Variants in GPC6 observed in about 807,000 individuals in gnomAD.
The protein encoded by GPC6 is glypican-6.
A neutral mutation model predicts 55.2 loss-of-function variants in GPC6; 14 were observed. The observed-to-expected ratio is 0.25, with a 90% CI of 0.17 to 0.40. The LOEUF (loss-of-function observed/expected upper bound fraction) is 0.40, where lower values mean the gene tolerates loss of function less well. Ranked by LOEUF, GPC6 falls within the 10% of genes least tolerant of loss-of-function variation. The probability of loss-of-function intolerance (pLI) is 1.00; values close to 1 mark genes in which losing one functional copy is unlikely to be tolerated. For synonymous variants in GPC6, 278 were observed against 259.6 expected (o/e 1.07, Z -0.68); for missense variants, 641 against 708.5 (o/e 0.90, Z 1.08).
chr13:93,555,380 G>A (rs193240321), intron 2 of GPC6, among the ~76,000 whole-genome samples: 67 of 152,268 alleles, frequency 4.4e-4, no homozygotes, highest in Middle Eastern at 3.4e-3. Context: ...TTAATATGAA[G>A]TATATTTAAT....
intron 3 of GPC6, among the ~76,000 whole-genome samples, chr13:94,027,466 T>G (rs369065564): frequency 5.3e-5 from 8 of 152,218 alleles, no homozygotes; most frequent in African/African-American, 1.9e-4. Context: ...CATTATCTCA[T>G]TCCATCTTCT....
chr13:93,628,646 G>A (rs1318723962), intron 2 of GPC6, among the ~76,000 whole-genome samples: 1 of 151,930 alleles, frequency 6.6e-6, no homozygotes, highest in Non-Finnish European at 1.5e-5. Context: ...GAAGTATTAT[G>A]GCCAGTGACT....
At chr13:93,220,942 G>T in the GPC6 span, among the ~76,000 whole-genome samples, 1 of 152,086 alleles carries the variant, frequency 6.6e-6, no homozygotes, top group African/African-American at 2.4e-5. Context: ...GGAATGCAGT[G>T]CACTGTCACC....
At chr13:93,612,797 C>G (rs907452885) in intron 2 of GPC6, among the ~76,000 whole-genome samples, 7 of 152,100 alleles carry the variant, frequency 4.6e-5, no homozygotes, top group Non-Finnish European at 8.8e-5. Flanking sequence ...TTCCATCATT[C>G]TTTCTCTTAC....
intron 7 of GPC6, among the ~76,000 whole-genome samples, chr13:94,389,204 GA>G (rs553524720): frequency 1.3e-5 from 2 of 152,054 alleles, no homozygotes; most frequent in Non-Finnish European, 2.9e-5. Context: ...AGGCCAAAGG[GA>G]AAAAAATTAA....
chr13:93,746,587 G>T (rs1884408044), intron 2 of GPC6, among the ~76,000 whole-genome samples: 1 of 152,124 alleles, frequency 6.6e-6, no homozygotes, highest in Non-Finnish European at 1.5e-5. Context: ...TTTGAAAATT[G>T]ATTTTTGAAC....
At chr13:93,357,276 C>T (rs1055248130) in intron 1 of GPC6, among the ~76,000 whole-genome samples, 1 of 152,142 alleles carries the variant, frequency 6.6e-6, no homozygotes, top group Non-Finnish European at 1.5e-5. Flanking sequence ...CTAAAATGAG[C>T]AGCATTGGTG....
chr13:94,152,832 T>C (rs1271827144), intron 4 of GPC6, among the ~76,000 whole-genome samples: 1 of 152,156 alleles, frequency 6.6e-6, no homozygotes, highest in African/African-American at 2.4e-5. Context: ...TTTTTAACTC[T>C]AATGGAAGTC....
intron 4 of GPC6, among the ~76,000 whole-genome samples, chr13:94,194,145 G>A (rs1889487361): frequency 6.6e-6 from 1 of 152,226 alleles, no homozygotes; most frequent in African/African-American, 2.4e-5. Context: ...TATACTTGTA[G>A]CATATGTACA....
intron 6 of GPC6, among the ~76,000 whole-genome samples, chr13:94,365,931 C>T (rs576431435): frequency 9.9e-5 from 15 of 152,284 alleles, no homozygotes; most frequent in African/African-American, 2.9e-4. Flanking sequence ...AATTAAATAA[C>T]GAATTCTAAA....
At chr13:93,568,946 A>C (rs1470448301) in intron 2 of GPC6, among the ~76,000 whole-genome samples, 1 of 152,114 alleles carries the variant, frequency 6.6e-6, no homozygotes, top group East Asian at 1.9e-4. Context: ...TAGATAGAGG[A>C]TTGGAGAGTT....
intron 1 of GPC6, among the ~76,000 whole-genome samples, chr13:93,381,617 G>A (rs945978749): frequency 1.3e-5 from 2 of 152,088 alleles, no homozygotes; most frequent in South Asian, 2.1e-4. Context: ...GTCTGGGAAC[G>A]TGTCATTGAG....
Position 94,252,789 on chromosome 13 carries a change from G to A in GPC6, c.878-33560G>A, listed in dbSNP as rs114485639. ...CCAAAAGCCATAAATGATAGGGCAA[G>A]TGTAAATGGACTGTGATGAGAGGAA... is the stretch of plus-strand genomic sequence containing the variant. On this transcript the variant is annotated intron_variant, in intron 4 of 8. Coordinates refer to ENST00000377047, the MANE Select transcript of GPC6 (RefSeq NM_005708.5). 2.5e-3 allele frequency among the ~76,000 whole-genome samples: 388 copies of A among 152,176 alleles called. 2 individuals are homozygous for A. The highest frequency in any genetic ancestry group is 9.0e-3 in the African/African-American group (375 of 41,530).
intron 4 of GPC6, among the ~76,000 whole-genome samples, chr13:94,196,562 T>C (rs1215747743): frequency 6.6e-6 from 1 of 152,196 alleles, no homozygotes; most frequent in Non-Finnish European, 1.5e-5. Flanking sequence ...TGTCTTGCAT[T>C]ACATCCACTT....
intron 1 of GPC6, among the ~76,000 whole-genome samples, chr13:93,326,856 T>C (rs1445999228): frequency 6.6e-6 from 1 of 152,112 alleles, no homozygotes; most frequent in Non-Finnish European, 1.5e-5. Context: ...GGAAATACTG[T>C]GTAGTGTCTG....
chr13:93,352,654 G>A (rs1006419217), intron 1 of GPC6, among the ~76,000 whole-genome samples: 1 of 152,068 alleles, frequency 6.6e-6, no homozygotes, highest in Non-Finnish European at 1.5e-5. Flanking sequence ...GTTGGAGGGA[G>A]GAGTGGGGAG....
At chr13:93,339,948 A>G (rs1157816378) in intron 1 of GPC6, among the ~76,000 whole-genome samples, 1 of 151,984 alleles carries the variant, frequency 6.6e-6, no homozygotes, top group East Asian at 1.9e-4. Flanking sequence ...ATCAGGCACA[A>G]TGTTTATTGT....
intron 2 of GPC6, among the ~76,000 whole-genome samples, chr13:93,659,675 T>C (rs1207536073): frequency 6.6e-6 from 1 of 152,030 alleles, no homozygotes; most frequent in Non-Finnish European, 1.5e-5. Context: ...TCTTCTTTAA[T>C]TCTCACATGA....
rs367555548 is a variant in GPC6 at position 94,350,075 on chromosome 13, T to TTGTGTGTGTGTGTGTG, written c.1153-32337_1153-32322dup. On this transcript the variant is annotated intron_variant, in intron 6 of 8. Coordinates refer to ENST00000377047, the MANE Select transcript of GPC6 (RefSeq NM_005708.5). ...ATATATATACATATATATATATCTTTTGTGTGTGTGTGTGTGTTTATGTGT... is the reference window on the plus strand; with the variant it reads ...ATATATATACATATATATATATCTTTTGTGTGTGTGTGTGTGTGTGTGTGTGTGTGTGTTTATGTGT... Among the ~76,000 whole-genome samples the TTGTGTGTGTGTGTGTG allele has an allele frequency of 3.5e-3, 532 of 150,146 alleles. 2 individuals are homozygous for TTGTGTGTGTGTGTGTG. The highest frequency in any genetic ancestry group is 4.4e-3 in the Non-Finnish European group (296 of 67,554).
Sources: gnomAD v4.1 joint callset for allele counts (sites outside exome capture counted in the v4.1 genomes callset) on GRCh38, gnomAD v4.1.1 for gene constraint, MANE v1.5 for transcripts, NCBI Gene and HGNC (gene_info 2026-07-23, HGNC 2026-07-21) for gene names.